Variants in MACF1 observed in about 807,000 individuals in gnomAD.
MACF1 encodes microtubule actin crosslinking factor 1.
Under a neutral mutation model 854.8 loss-of-function variants are expected in MACF1, and 193 were observed. That is an observed-to-expected ratio of 0.23 (90% CI 0.20 to 0.25). MACF1 has a LOEUF of 0.25. MACF1 is among the 10% of genes least tolerant of loss of function. MACF1 has a pLI of 1.00. For synonymous variants in MACF1, 3,185 were observed against 3,226.7 expected (o/e 0.99, Z 0.44); for missense variants, 7,722 against 8,929.1 (o/e 0.86, Z 5.45).
intron 4 of MACF1, among the ~76,000 whole-genome samples, chr1:39,252,411 A>G (rs1645050887): frequency 6.6e-6 from 1 of 152,024 alleles, no homozygotes; most frequent in Admixed American, 6.6e-5. Context: ...GCCTGTTTGC[A>G]AACTCACTGC....
At chr1:39,096,644 C>T (rs971699607) in intron 2 of MACF1, among the ~76,000 whole-genome samples, 1 of 151,840 alleles carries the variant, frequency 6.6e-6, no homozygotes, top group Admixed American at 6.6e-5. Flanking sequence ...TACCTTCCTC[C>T]GTTTTTGTTT....
chr1:39,202,692 C>T (rs1010513347), upstream of MACF1, among the ~76,000 whole-genome samples: 2 of 151,612 alleles, frequency 1.3e-5, no homozygotes, highest in African/African-American at 4.8e-5. Flanking sequence ...TCCTCTTCGT[C>T]TCCTTTAGTA....
Position 39,387,368 on chromosome 1 carries a change from T to G in MACF1, c.14526T>G (p.Ser4842Arg). 3 of 1,614,162 alleles carry G rather than the reference T, an allele frequency of 1.9e-6. No homozygotes were observed. Among genetic ancestry groups the G allele is most frequent in the Non-Finnish European group, 2.5e-6 (3 of 1,180,044 alleles). ...QLQENEEFQK[S>R]LNQHSGSYEV... ...AGGAGAATGAAGAGTTTCAGAAAAG[T>G]CTTAATCAACACAGTGGCTCCTATG... The change falls in exon 58 of 101, where the codon AGT becomes AGG. Residue 4842 changes from serine (S) to arginine (R), a missense_variant. Coordinates refer to ENST00000564288, the MANE Select transcript of MACF1 (RefSeq NM_001394062.1).
At chr1:39,364,429 T>C (rs1288932226) in intron 49 of MACF1, among the ~76,000 whole-genome samples, 1 of 152,028 alleles carries the variant, frequency 6.6e-6, no homozygotes, top group East Asian at 1.9e-4. Flanking sequence ...ATCTGTGATA[T>C]GTTAGAAATA....
At chr1:39,236,595 G>A (rs1056894118) in intron 2 of MACF1, among the ~76,000 whole-genome samples, 2 of 152,136 alleles carry the variant, frequency 1.3e-5, no homozygotes, top group African/African-American at 4.8e-5. Flanking sequence ...CAAATATTGT[G>A]TCTTATTGTT....
At chr1:39,373,939 T>C (rs901600582) in intron 52 of MACF1, among the ~76,000 whole-genome samples, 2 of 151,114 alleles carry the variant, frequency 1.3e-5, no homozygotes, top group African/African-American at 4.9e-5. Flanking sequence ...ATTAAGTCTT[T>C]GAAGCAAAAT....
intron 6 of MACF1, among the ~76,000 whole-genome samples, chr1:39,267,885 G>A (rs750543951): frequency 9.9e-5 from 15 of 152,150 alleles, no homozygotes; most frequent in Admixed American, 2.6e-4. Context: ...AAAAAGGAGG[G>A]AAATAAATGC....
In MACF1 at chr1:39,361,655, C is replaced by T. The variant is rs969711467; in HGVS notation, c.12749C>T (p.Thr4250Ile). The change falls in exon 49 of 101, where the codon ACA becomes ATA. Residue 4250 changes from threonine (T) to isoleucine (I), a missense_variant. This residue lies in a region of MACF1 where 2,807 missense variants were observed against 3,235.8 expected (regional missense o/e 0.87). Coordinates refer to ENST00000564288, the MANE Select transcript of MACF1 (RefSeq NM_001394062.1). Reference sequence around the variant, plus strand: ...GGAAATCAGCCAGATCAAGATATTACACATTTCTTCCAACAGATCCAGGTG... The same window carrying T: ...GGAAATCAGCCAGATCAAGATATTATACATTTCTTCCAACAGATCCAGGTG... ...ASGNQPDQDI[T>I]HFFQQIQELN... 4 of 1,614,008 alleles carry T rather than the reference C, an allele frequency of 2.5e-6. No individual in the cohort carries two copies. The highest frequency in any genetic ancestry group is 3.3e-5 in the Admixed American group (2 of 59,994).
rs1649101862 is a variant in MACF1 at position 39,370,149 on chromosome 1, G to A, written c.13058G>A (p.Ser4353Asn). Reference sequence around the variant, plus strand: ...ATTCCACCTACGGAAACTTCTATGAGTGCTAAAGAGTTAGAAAAGCAGATT... The same window carrying A: ...ATTCCACCTACGGAAACTTCTATGAATGCTAAAGAGTTAGAAAAGCAGATT... ...GSIPPTETSM[S>N]AKELEKQIEH... is the part of the protein sequence containing the mutation. The change falls in exon 51 of 101, where the codon AGT becomes AAT. Residue 4353 changes from serine (S) to asparagine (N), a missense_variant. Coordinates refer to ENST00000564288, the MANE Select transcript of MACF1 (RefSeq NM_001394062.1). The A allele has an allele frequency of 1.9e-6, 3 of 1,613,536 alleles. No individual in the cohort carries two copies. The highest frequency in any genetic ancestry group is 2.5e-6 in the Non-Finnish European group (3 of 1,179,808).
intron 96 of MACF1, among the ~76,000 whole-genome samples, 164 bp from the exon 97 acceptor site, chr1:39,469,383 A>G (rs771816535): frequency 1.4e-4 from 21 of 152,158 alleles, no homozygotes; most frequent in Non-Finnish European, 2.5e-4. Context: ...ACCGGTTCCA[A>G]TTGCTAAATC....
Position 39,388,930 on chromosome 1 carries a change from G to A in MACF1, c.15816+272G>A, listed in dbSNP as rs539212748. ...GTCTCTCTCTCTCACCCAGGCTGGAGTGCAGTGGTGCGATCTCGGCTCACT... is the reference window on the plus strand; with the variant it reads ...GTCTCTCTCTCTCACCCAGGCTGGAATGCAGTGGTGCGATCTCGGCTCACT... On this transcript the variant is annotated intron_variant, in intron 58 of 100. Coordinates refer to ENST00000564288, the MANE Select transcript of MACF1 (RefSeq NM_001394062.1). Among the ~76,000 whole-genome samples the A allele has an allele frequency of 9.8e-4, 135 of 138,060 alleles. 1 individual carries two copies. Among genetic ancestry groups the A allele is most frequent in the African/African-American group, 3.6e-3 (129 of 35,646 alleles). The allele number at this position is 138,060 out of a possible 152,430, so 90.6% of individuals were successfully genotyped here.
In MACF1 at chr1:39,434,424, A is replaced by T; in HGVS notation, c.17576A>T (p.Glu5859Val). ...EQKTVLQEKTESLIQQYEAIS... is the reference protein window; with the variant it reads ...EQKTVLQEKTVSLIQQYEAIS... ...TTTTTGCTCACATAGGAAAAGACAGAGTCTCTAATACAGCAATATGAAGCC... is the reference window on the plus strand; with the variant it reads ...TTTTTGCTCACATAGGAAAAGACAGTGTCTCTAATACAGCAATATGAAGCC... The change falls in exon 69 of 101, where the codon GAG becomes GTG. Residue 5859 changes from glutamate to valine, a missense_variant. By Grantham distance (121) the Glu-to-Val change is moderately radical. Around this residue, in one of 15 missense-constraint regions of MACF1, gnomAD observed 2,807 missense variants for 3,235.8 expected, o/e 0.87. Transcript: ENST00000564288. 1 of 1,513,450 alleles carries T rather than the reference A, an allele frequency of 6.6e-7. No homozygotes were observed. The highest frequency in any genetic ancestry group is 9.0e-7 in the Non-Finnish European group (1 of 1,109,702). The allele number at this position is 1,513,450 out of a possible 1,614,324, so 93.8% of individuals were successfully genotyped here.
At position 39,123,710 on chromosome 1, in the gene MACF1, T is replaced by TTA. The variant is rs1254685255; in HGVS notation, c.220+39273_220+39274insAT. The stretch of plus-strand genomic sequence containing the variant: ...TCGTGCCACCATGCCCGGCTAATTC[T>TTA]TGTTTTGTTTTTTTTTTTTTTTTTT... On this transcript the variant is annotated intron_variant, in intron 2 of 93. Transcript: ENST00000361689. Among the ~76,000 whole-genome samples the TTA allele has an allele frequency of 1.7e-3, 130 of 78,386 alleles. 7 individuals carry two copies. Among genetic ancestry groups the TTA allele is most frequent in the Middle Eastern group, 5.1e-3 (1 of 198 alleles). 51.4% of individuals were successfully genotyped at this position (78,386 alleles called of 152,430 possible).
At chr1:39,169,604 C>CAA (rs61000226) in intron 2 of MACF1, among the ~76,000 whole-genome samples, 240 of 93,598 alleles carry the variant, frequency 2.6e-3, no homozygotes, top group African/African-American at 8.5e-3. Flanking sequence ...GACCCTGTCT[C>CAA]AAAAAAAAAA....
intron 6 of MACF1, among the ~76,000 whole-genome samples, chr1:39,276,135 G>A (rs960013661): frequency 6.6e-6 from 1 of 151,974 alleles, no homozygotes; most frequent in Non-Finnish European, 1.5e-5. Flanking sequence ...TCCCAGGCTC[G>A]TCTTGAACTC....
At chr1:39,264,246 C>G (rs1273347988) in intron 6 of MACF1, among the ~76,000 whole-genome samples, 1 of 152,120 alleles carries the variant, frequency 6.6e-6, no homozygotes, top group Non-Finnish European at 1.5e-5. Flanking sequence ...GGATTGATAC[C>G]TGGACTGGAA....
At chr1:39,281,251 C>T (rs1645537988) in intron 6 of MACF1, among the ~76,000 whole-genome samples, 2 of 152,070 alleles carry the variant, frequency 1.3e-5, no homozygotes, top group African/African-American at 4.8e-5. Context: ...AATGTTACTC[C>T]ATAGAGGTAA....
intron 49 of MACF1, among the ~76,000 whole-genome samples, chr1:39,367,686 G>A (rs1403651914): frequency 6.6e-6 from 1 of 152,118 alleles, no homozygotes; most frequent in African/African-American, 2.4e-5. Context: ...TCCTGTCATG[G>A]TACCTCCCAA....
intron 40 of MACF1, 43 bp downstream of exon 40, chr1:39,340,996 T>C (rs1344359214): frequency 6.6e-7 from 1 of 1,515,362 alleles, no homozygotes; most frequent in African/African-American, 1.4e-5. Flanking sequence ...GTTGTATCAA[T>C]TTTATTTCCC....
Sources: gnomAD v4.1 joint callset for allele counts (sites outside exome capture counted in the v4.1 genomes callset) on GRCh38, gnomAD v4.1.1 for gene constraint, gnomAD v4.1.1 regional missense constraint, MANE v1.5 for transcripts, NCBI Gene and HGNC (gene_info 2026-07-23, HGNC 2026-07-21) for gene names.